GNA14: variants seen among roughly 807,000 people sequenced by gnomAD.
GNA14 encodes G protein subunit alpha 14, also known as guanine nucleotide-binding protein subunit alpha-14.
GNA14 carries 50 observed loss-of-function variants against 42.0 expected under a neutral mutation model. That is an observed-to-expected ratio of 1.19 (90% CI 0.95 to 1.51). The LOEUF is 1.51. GNA14 is among the 40% of genes most tolerant of loss of function. The probability of loss-of-function intolerance (pLI) is 0.00; values close to 1 mark genes in which losing one functional copy is unlikely to be tolerated. For synonymous variants in GNA14, 173 were observed against 163.1 expected (o/e 1.06, Z -0.46); for missense variants, 473 against 446.2 (o/e 1.06, Z -0.54).
intron 5 of GNA14, among the ~76,000 whole-genome samples, chr9:77,428,671 C>T (rs1587754050): frequency 6.6e-6 from 1 of 152,266 alleles, no homozygotes; most frequent in East Asian, 1.9e-4. Context: ...TTTGAATTAC[C>T]TGGGTTCTTG....
chr9:77,633,121 C>T (rs1186853437), intron 1 of GNA14, among the ~76,000 whole-genome samples: 3 of 152,048 alleles, frequency 2.0e-5, no homozygotes, highest in African/African-American at 7.3e-5. Flanking sequence ...TAGAGGCTAG[C>T]GGAGAAGGAG....
chr9:77,515,957 T>C, intron 2 of GNA14, among the ~76,000 whole-genome samples: 3 of 28,032 alleles, frequency 1.1e-4, no homozygotes, highest in African/African-American at 5.8e-4. Flanking sequence ...AGACCCTGTC[T>C]CACAAAAAAA....
At chr9:77,457,255 T>A (rs1044420327) in intron 2 of GNA14, among the ~76,000 whole-genome samples, 1 of 152,288 alleles carries the variant, frequency 6.6e-6, no homozygotes, top group Non-Finnish European at 1.5e-5. Flanking sequence ...GAGACTGAGT[T>A]AGAGTTTAGT....
At chr9:77,561,740 C>A (rs1278248625) in intron 1 of GNA14, among the ~76,000 whole-genome samples, 1 of 152,112 alleles carries the variant, frequency 6.6e-6, no homozygotes, top group Non-Finnish European at 1.5e-5. Context: ...GCACTTGATG[C>A]CACTGAATTA....
intron 2 of GNA14, among the ~76,000 whole-genome samples, chr9:77,454,577 A>AT (rs35309093): frequency 0.025 from 3,231 of 128,540 alleles, 57 homozygotes; most frequent in African/African-American, 0.048. Context: ...GGCCATCAGG[A>AT]TTTTTTTTTT....
chr9:77,596,251 G>T (rs1472106768), intron 1 of GNA14, among the ~76,000 whole-genome samples: 1 of 151,966 alleles, frequency 6.6e-6, no homozygotes, highest in African/African-American at 2.4e-5. Context: ...TTAACAAAAA[G>T]ATATAATTTT....
chr9:77,505,655 T>C (rs559912323), intron 2 of GNA14, among the ~76,000 whole-genome samples: 1 of 152,274 alleles, frequency 6.6e-6, no homozygotes, highest in Admixed American at 6.5e-5. Flanking sequence ...AGTCAGAAAT[T>C]TCAGAAATTT....
chr9:77,479,958 G>A (rs912423990), intron 2 of GNA14, among the ~76,000 whole-genome samples: 3 of 152,118 alleles, frequency 2.0e-5, no homozygotes, highest in South Asian at 2.1e-4. Flanking sequence ...GGGCTGAAAT[G>A]ATGGGGTTTT....
chr9:77,623,580 C>T (rs552939586), intron 1 of GNA14, among the ~76,000 whole-genome samples: 23 of 152,282 alleles, frequency 1.5e-4, no homozygotes, highest in African/African-American at 5.5e-4. Context: ...CCTGGCTCAT[C>T]TCATTGGGAT....
At chr9:77,492,061 T>C (rs932652537) in intron 2 of GNA14, among the ~76,000 whole-genome samples, 1 of 151,946 alleles carries the variant, frequency 6.6e-6, no homozygotes, top group African/African-American at 2.4e-5. Flanking sequence ...GAATGACCAA[T>C]GGGTCAATGA....
At chr9:77,535,733 T>C (rs569639401) in intron 1 of GNA14, among the ~76,000 whole-genome samples, 2 of 152,240 alleles carry the variant, frequency 1.3e-5, no homozygotes, top group Non-Finnish European at 2.9e-5. Context: ...TTTGAAAATA[T>C]ACATTTTTCA....
intron 1 of GNA14, among the ~76,000 whole-genome samples, chr9:77,584,937 A>G (rs1367642835): frequency 2.6e-5 from 4 of 152,008 alleles, no homozygotes; most frequent in African/African-American, 9.7e-5. Flanking sequence ...ATCAGAGGTC[A>G]CTCATGGCTA....
chr9:77,466,849 C>T (rs976913065), intron 2 of GNA14, among the ~76,000 whole-genome samples: 7 of 152,068 alleles, frequency 4.6e-5, no homozygotes, highest in Admixed American at 2.0e-4. Context: ...TCTATTTTCC[C>T]GACCACATGG....
At chr9:77,646,933 G>A (rs893195894) in intron 1 of GNA14, among the ~76,000 whole-genome samples, 4 of 152,204 alleles carry the variant, frequency 2.6e-5, no homozygotes, top group Non-Finnish European at 4.4e-5. Context: ...AGAGGCACCA[G>A]GGCAGCCAAG....
chr9:77,483,857 T>C (rs1269586700), intron 2 of GNA14, among the ~76,000 whole-genome samples: 1 of 152,066 alleles, frequency 6.6e-6, no homozygotes, highest in East Asian at 1.9e-4. Flanking sequence ...AAAGAGAATA[T>C]ATAAGGAATG....
Position 77,538,439 on chromosome 9 carries a change from T to C in GNA14, c.125-9186A>G, listed in dbSNP as rs906515232. Among the ~76,000 whole-genome samples the C allele has an allele frequency of 3.3e-5, 5 of 152,142 alleles. No individual in the cohort carries two copies. The East Asian group carries it at 9.6e-4, about 29-fold the overall frequency. Reference sequence around the variant, plus strand: ...GCTCTTTTTTGCTTCCACATGAAACTTGGGATTTTTTTTTCTCATGCCGTG... The same window carrying C: ...GCTCTTTTTTGCTTCCACATGAAACCTGGGATTTTTTTTTCTCATGCCGTG... On this transcript the variant is annotated intron_variant, in intron 1 of 6. Transcript: ENST00000341700.
intron 2 of GNA14, among the ~76,000 whole-genome samples, chr9:77,515,178 G>C (rs1038244365): frequency 3.9e-5 from 6 of 152,198 alleles, no homozygotes; most frequent in African/African-American, 1.4e-4. Flanking sequence ...TTCTTCAGTG[G>C]ATAGGCTTTT....
chr9:77,642,228 G>A (rs183475303), intron 1 of GNA14, among the ~76,000 whole-genome samples: 1 of 152,174 alleles, frequency 6.6e-6, no homozygotes, highest in Non-Finnish European at 1.5e-5. Flanking sequence ...AAAAGGTTCT[G>A]TATTCATTTA....
intron 2 of GNA14, among the ~76,000 whole-genome samples, chr9:77,456,769 AC>A: frequency 6.6e-6 from 1 of 152,144 alleles, no homozygotes; most frequent in Non-Finnish European, 1.5e-5. Flanking sequence ...TATTATTTAT[AC>A]AATAAATATA....
Sources: gnomAD v4.1 joint callset for allele counts (sites outside exome capture counted in the v4.1 genomes callset) on GRCh38, gnomAD v4.1.1 for gene constraint, MANE v1.5 for transcripts, NCBI Gene and HGNC (gene_info 2026-07-23, HGNC 2026-07-21) for gene names.